ZNF704: variants seen among roughly 807,000 people sequenced by gnomAD.
ZNF704 encodes glucocorticoid induced gene 1.
Under a neutral mutation model 44.7 loss-of-function variants are expected in ZNF704, and 10 were observed. The observed-to-expected ratio is 0.22, with a 90% CI of 0.14 to 0.38. ZNF704 has a LOEUF of 0.38. Ranked by LOEUF, ZNF704 falls within the 10% of genes least tolerant of loss-of-function variation. ZNF704 has a pLI of 1.00. For synonymous variants in ZNF704, 211 were observed against 207.6 expected, an observed-to-expected ratio of 1.02 and a Z score of -0.14; for missense variants, 390 against 545.5, an observed-to-expected ratio of 0.71 and a Z score of 2.84.
intron 2 of ZNF704, among the ~76,000 whole-genome samples, chr8:80,774,287 C>T (rs570635286): frequency 6.6e-6 from 1 of 152,098 alleles, no homozygotes; most frequent in African/African-American, 2.4e-5. Flanking sequence ...TCAGGCTGAT[C>T]CTGAATTCCT....
chr8:80,783,615 G>A (rs747415382), intron 2 of ZNF704, among the ~76,000 whole-genome samples: 1 of 152,068 alleles, frequency 6.6e-6, no homozygotes, highest in African/African-American at 2.4e-5. Context: ...GCAGTTTTAA[G>A]TTCACAGAAA....
At chr8:80,642,176 A>ATG (rs1817753838) in intron 8 of ZNF704, among the ~76,000 whole-genome samples, 1 of 152,158 alleles carries the variant, frequency 6.6e-6, no homozygotes, top group Non-Finnish European at 1.5e-5. Context: ...CTATATATAT[A>ATG]TTATGCATGA....
chr8:80,860,273 A>C (rs1165783164), intron 1 of ZNF704, among the ~76,000 whole-genome samples: 1 of 152,188 alleles, frequency 6.6e-6, no homozygotes, highest in Non-Finnish European at 1.5e-5. Flanking sequence ...AACATATGAA[A>C]TCAGTGTGTA....
At chr8:80,760,447 A>G (rs1471602210) in intron 2 of ZNF704, among the ~76,000 whole-genome samples, 2 of 151,974 alleles carry the variant, frequency 1.3e-5, no homozygotes, top group Non-Finnish European at 2.9e-5. Flanking sequence ...CACGAGGTCA[A>G]GAGATCGAGA....
At chr8:80,850,946 G>C (rs1485026968) in intron 1 of ZNF704, among the ~76,000 whole-genome samples, 1 of 152,160 alleles carries the variant, frequency 6.6e-6, no homozygotes, top group Non-Finnish European at 1.5e-5. Flanking sequence ...GTTGCACATT[G>C]CTTAACAATG....
At chr8:80,770,869 T>A (rs1445702238) in intron 2 of ZNF704, among the ~76,000 whole-genome samples, 2 of 152,202 alleles carry the variant, frequency 1.3e-5, no homozygotes, top group African/African-American at 4.8e-5. Flanking sequence ...TTAATTTATG[T>A]ATAAGGTATG....
intron 2 of ZNF704, among the ~76,000 whole-genome samples, chr8:80,720,434 G>A (rs1819145987): frequency 6.6e-6 from 1 of 152,188 alleles, no homozygotes; most frequent in Admixed American, 6.5e-5. Context: ...TTCAAGACTA[G>A]TTTATGCAAC....
chr8:80,730,724 A>T (rs1563534107), intron 2 of ZNF704, among the ~76,000 whole-genome samples: 1 of 152,120 alleles, frequency 6.6e-6, no homozygotes, highest in Non-Finnish European at 1.5e-5. Flanking sequence ...TGCAAACAAC[A>T]TTACTTCTAA....
chr8:80,862,602 A>AAAAAAT (rs1809085191), intron 1 of ZNF704, among the ~76,000 whole-genome samples: 1 of 150,264 alleles, frequency 6.7e-6, no homozygotes. Context: ...TCTACCAAAA[A>AAAAAAT]AAAAAAAAAA....
intron 2 of ZNF704, among the ~76,000 whole-genome samples, chr8:80,720,755 A>C (rs1357149712): frequency 1.3e-5 from 2 of 152,242 alleles, no homozygotes; most frequent in Non-Finnish European, 2.9e-5. Flanking sequence ...TCAGAGGGAA[A>C]ACTCAGAAGC....
At chr8:80,855,582 C>T (rs1027190081) in intron 1 of ZNF704, among the ~76,000 whole-genome samples, 12 of 151,986 alleles carry the variant, frequency 7.9e-5, no homozygotes, top group African/African-American at 2.9e-4. Flanking sequence ...TACACATGGA[C>T]GTAGAGTATG....
At chr8:80,871,697 G>A (rs890384696) in intron 1 of ZNF704, among the ~76,000 whole-genome samples, 1 of 152,206 alleles carries the variant, frequency 6.6e-6, no homozygotes, top group African/African-American at 2.4e-5. Flanking sequence ...TTGAATAAAT[G>A]AATGCATGAA....
intron 2 of ZNF704, among the ~76,000 whole-genome samples, chr8:80,709,305 A>G (rs1243125533): frequency 6.6e-6 from 1 of 151,808 alleles, no homozygotes; most frequent in Non-Finnish European, 1.5e-5. Context: ...TTAGCCGAGC[A>G]TGGTGGCGGG....
chr8:80,704,574 A>ACCGACC (rs1818866675), intron 2 of ZNF704, among the ~76,000 whole-genome samples: 1 of 152,120 alleles, frequency 6.6e-6, no homozygotes, highest in African/African-American at 2.4e-5. Context: ...ACTTCCGGGC[A>ACCGACC]CCGACCCCGA....
At position 80,821,441 on chromosome 8, in the gene ZNF704, G is replaced by A. The variant is rs76083340; in HGVS notation, c.154C>T (p.Arg52Cys). ...RILDHEKENT[R>C]SICLLEQKRK... The stretch of plus-strand genomic sequence containing the variant: ...TTTTGCTCAAGGAGACAGATGGAGC[G>A]AGTGTTTTCTTTTTCATGGTCAAGG... Residue 52 changes from arginine to cysteine, a missense_variant, in exon 2 of 9, where the codon CGC becomes TGC. This residue lies in a region of ZNF704 where 80 missense variants were observed against 83.7 expected (regional missense o/e 0.96). Transcript: ENST00000327835. 43 of 1,614,128 alleles carry A rather than the reference G, an allele frequency of 2.7e-5. No individual in the cohort carries two copies. The highest frequency in any genetic ancestry group is 2.2e-4 in the East Asian group (10 of 44,876).
At chr8:80,641,958 T>G (rs111878550) in intron 8 of ZNF704, among the ~76,000 whole-genome samples, 54 of 152,376 alleles carry the variant, frequency 3.5e-4, no homozygotes, top group African/African-American at 1.3e-3. Flanking sequence ...CTTGTGGACA[T>G]GTCCATTTGG....
At chr8:80,826,128 T>C (rs149115408) in intron 1 of ZNF704, among the ~76,000 whole-genome samples, 1 of 152,016 alleles carries the variant, frequency 6.6e-6, no homozygotes, top group Non-Finnish European at 1.5e-5. Flanking sequence ...AAAAAATCAA[T>C]GAATCCAGGA....
chr8:80,647,121 A>C (rs953995509), intron 7 of ZNF704, among the ~76,000 whole-genome samples: 18 of 152,258 alleles, frequency 1.2e-4, no homozygotes, highest in African/African-American at 4.3e-4. Flanking sequence ...AACAAAACAA[A>C]TTCTCTGCCC....
intron 3 of ZNF704, among the ~76,000 whole-genome samples, chr8:80,689,508 C>A (rs1329248388): frequency 6.6e-6 from 1 of 152,162 alleles, no homozygotes; most frequent in African/African-American, 2.4e-5. Flanking sequence ...AATAAGAAAG[C>A]TCCATTTAGT....
Sources: allele counts gnomAD v4.1 joint callset (sites outside exome capture counted in the v4.1 genomes callset), GRCh38; gene constraint gnomAD v4.1.1; regional missense constraint gnomAD v4.1.1; transcripts MANE v1.5; gene names NCBI Gene and HGNC (gene_info 2026-07-23, HGNC 2026-07-21).